PLXNA4: variants seen among roughly 807,000 people sequenced by gnomAD.
The protein encoded by PLXNA4 is plexin-A4.
A neutral mutation model predicts 191.8 loss-of-function variants in PLXNA4; 44 were observed. That is an observed-to-expected ratio of 0.23 (90% CI 0.18 to 0.29). The LOEUF is 0.29. Among genes scored for constraint, PLXNA4 ranks in the 10% least tolerant of loss-of-function variants. The probability of loss-of-function intolerance (pLI) is 1.00; values close to 1 mark genes in which losing one functional copy is unlikely to be tolerated. For synonymous variants in PLXNA4, 1,082 were observed against 1,009.5 expected, an observed-to-expected ratio of 1.07 and a Z score of -1.36; for missense variants, 1,800 against 2,488.8, an observed-to-expected ratio of 0.72 and a Z score of 5.89.
At chr7:132,560,126 G>A (rs562451322) in intron 1 of PLXNA4, among the ~76,000 whole-genome samples, 1 of 152,282 alleles carries the variant, frequency 6.6e-6, no homozygotes, top group East Asian at 1.9e-4. Flanking sequence ...ATTCCTAATG[G>A]GCAAGGTCAA....
At chr7:132,143,512 C>T (rs1795329681) in intron 29 of PLXNA4, among the ~76,000 whole-genome samples, 1 of 152,190 alleles carries the variant, frequency 6.6e-6, no homozygotes, top group Admixed American at 6.5e-5. Context: ...CAACTTTCTC[C>T]AGCTAGGACC....
intron 3 of PLXNA4, among the ~76,000 whole-genome samples, chr7:132,377,188 C>T (rs899672588): frequency 1.3e-5 from 2 of 152,082 alleles, no homozygotes; most frequent in Admixed American, 6.5e-5. Flanking sequence ...AGCCCAGCAG[C>T]CTTGTTTACT....
intron 3 of PLXNA4, among the ~76,000 whole-genome samples, chr7:132,380,913 C>T (rs909144379): frequency 1.3e-5 from 2 of 152,226 alleles, no homozygotes; most frequent in African/African-American, 4.8e-5. Flanking sequence ...GGCAGGATAC[C>T]AGGAAGAACT....
At chr7:132,527,728 T>C (rs1340606374) in intron 1 of PLXNA4, among the ~76,000 whole-genome samples, 1 of 152,048 alleles carries the variant, frequency 6.6e-6, no homozygotes, top group Admixed American at 6.6e-5. Flanking sequence ...CAGTCATATT[T>C]GTATTTGCCC....
At chr7:132,512,038 C>T (rs1798732977) in intron 1 of PLXNA4, among the ~76,000 whole-genome samples, 1 of 152,236 alleles carries the variant, frequency 6.6e-6, no homozygotes, top group Admixed American at 6.5e-5. Flanking sequence ...GCAGCTGCTT[C>T]CAGCCTTTGT....
chr7:132,192,969 G>T (rs1437259105), intron 14 of PLXNA4, among the ~76,000 whole-genome samples: 1 of 152,044 alleles, frequency 6.6e-6, no homozygotes, highest in Non-Finnish European at 1.5e-5. Flanking sequence ...GGGCAATTGT[G>T]TGGGTAGAGG....
chr7:132,576,635 G>A (rs1802253086), upstream of PLXNA4: 7 of 982,418 alleles, frequency 7.1e-6, no homozygotes, highest in African/African-American at 1.7e-5. This position sits in a 1 kb window ranked among gnomAD's most constrained non-coding sequence, Gnocchi z 5.8. Context: ...CAGAGCCTGC[G>A]GGGCTTGACA....
intron 3 of PLXNA4, among the ~76,000 whole-genome samples, chr7:132,305,844 C>T (rs536470815): frequency 2.0e-5 from 3 of 152,308 alleles, no homozygotes; most frequent in Non-Finnish European, 4.4e-5. Flanking sequence ...CCTCTGCACT[C>T]TCCCTTTCCT....
At chr7:132,543,053 A>G (rs1012724497) in intron 1 of PLXNA4, among the ~76,000 whole-genome samples, 2 of 152,164 alleles carry the variant, frequency 1.3e-5, no homozygotes, top group African/African-American at 4.8e-5. Context: ...CTTATCTTTG[A>G]TTACATGCTG....
intron 28 of PLXNA4, 60 bp downstream of exon 28, chr7:132,146,450 C>A (rs1023686626): frequency 1.2e-6 from 2 of 1,613,732 alleles, no homozygotes; most frequent in African/African-American, 2.7e-5. Flanking sequence ...TTTCTGTGGG[C>A]TGATGAAGTC....
intron 2 of PLXNA4, among the ~76,000 whole-genome samples, chr7:132,610,448 A>C (rs1422098854): frequency 2.0e-5 from 3 of 152,158 alleles, no homozygotes; most frequent in Non-Finnish European, 4.4e-5. Context: ...CTCTGAAGGA[A>C]GCTCTTCAGT....
At chr7:132,336,362 G>T (rs1171217111) in intron 3 of PLXNA4, among the ~76,000 whole-genome samples, 3 of 152,122 alleles carry the variant, frequency 2.0e-5, no homozygotes, top group Non-Finnish European at 4.4e-5. Context: ...CTTTGTCCTG[G>T]TTTTTCCAGA....
At chr7:132,549,809 G>A (rs1800478707) in intron 1 of PLXNA4, among the ~76,000 whole-genome samples, 1 of 152,188 alleles carries the variant, frequency 6.6e-6, no homozygotes, top group South Asian at 2.1e-4. Flanking sequence ...GCAGCATGGG[G>A]GCTAGGATTT....
intron 3 of PLXNA4, among the ~76,000 whole-genome samples, chr7:132,387,293 T>C (rs911506637): frequency 3.9e-5 from 6 of 152,266 alleles, no homozygotes; most frequent in Non-Finnish European, 4.4e-5. Flanking sequence ...GCAATTTGTA[T>C]GCATGTGAAA....
At chr7:132,188,975 AAAG>A (rs1562908689) in intron 14 of PLXNA4, among the ~76,000 whole-genome samples, 873 of 66,466 alleles carry the variant, frequency 0.013, 17 homozygotes, top group African/African-American at 0.038. Flanking sequence ...AAAGGAAAGG[AAAG>A]GAAAGGAAAG....
intron 1 of PLXNA4, among the ~76,000 whole-genome samples, chr7:132,647,090 C>T (rs1803886023): frequency 6.6e-6 from 1 of 152,032 alleles, no homozygotes; most frequent in African/African-American, 2.4e-5. Flanking sequence ...CACAAACACC[C>T]ACATGCTATC....
chr7:132,604,430 G>A (rs1389127149), intron 2 of PLXNA4, among the ~76,000 whole-genome samples: 1 of 152,112 alleles, frequency 6.6e-6, no homozygotes, highest in Non-Finnish European at 1.5e-5. Flanking sequence ...CTCTGCCCCT[G>A]GGTTCCATGA....
intron 2 of PLXNA4, among the ~76,000 whole-genome samples, chr7:132,591,774 G>A (rs148532333): frequency 3.2e-3 from 486 of 152,228 alleles, no homozygotes; most frequent in African/African-American, 0.011. Flanking sequence ...CATTTTTAAT[G>A]GCAAGGGTCG....
intron 3 of PLXNA4, among the ~76,000 whole-genome samples, chr7:132,407,260 GC>G (rs1794260708): frequency 6.6e-6 from 1 of 152,172 alleles, no homozygotes; most frequent in Non-Finnish European, 1.5e-5. Context: ...GGACTCGGAG[GC>G]CCTCTGAACA....
Sources: gnomAD v4.1 joint callset for allele counts (sites outside exome capture counted in the v4.1 genomes callset) on GRCh38, gnomAD v4.1.1 for gene constraint, Gnocchi (gnomAD v3.1) non-coding constraint, MANE v1.5 for transcripts, NCBI Gene and HGNC (gene_info 2026-07-23, HGNC 2026-07-21) for gene names.